The following ADGRV1 variants were observed in gnomAD, a reference collection of about 807,000 sequenced individuals.
ADGRV1 encodes adhesion G protein-coupled receptor V1, also known as G-protein coupled receptor 98.
ADGRV1 carries 359 observed loss-of-function variants against 596.2 expected under a neutral mutation model. The observed-to-expected ratio is 0.60, with a 90% CI of 0.55 to 0.66. The LOEUF (loss-of-function observed/expected upper bound fraction) is 0.66, where lower values mean the gene tolerates loss of function less well. ADGRV1 is among the 30% of genes least tolerant of loss of function. The pLI, the probability that ADGRV1 is intolerant of heterozygous loss-of-function variation, is 0.00. For missense variants in ADGRV1, 7,274 were observed against 7,575.6 expected (o/e 0.96, Z 1.48); for synonymous variants, 2,681 against 2,679.2 (o/e 1.00, Z -0.02).
intron 87 of ADGRV1, among the ~76,000 whole-genome samples, chr5:91,137,369 C>T (rs779552116): frequency 2.8e-4 from 43 of 152,024 alleles, no homozygotes; most frequent in Non-Finnish European, 5.1e-4. Context: ...GAGTGTGGAC[C>T]CACATCATGG....
At chr5:90,880,129 AGTGCTATCAGTAGACATT>A (rs1242691754) in intron 83 of ADGRV1, among the ~76,000 whole-genome samples, 20 of 152,110 alleles carry the variant, frequency 1.3e-4, no homozygotes, top group African/African-American at 4.8e-4. Flanking sequence ...TTCTCACAAT[AGTGCTATCAGTAGACATT>A]GCCATCCTCA....
intron 85 of ADGRV1, among the ~76,000 whole-genome samples, chr5:91,016,639 T>G (rs1026001761): frequency 6.6e-6 from 1 of 151,866 alleles, no homozygotes. Context: ...TGGCAAATGG[T>G]GAAAATCAGA....
At chr5:90,618,361 C>T (rs1297648847) in intron 3 of ADGRV1, among the ~76,000 whole-genome samples, 2 of 152,056 alleles carry the variant, frequency 1.3e-5, no homozygotes, top group South Asian at 2.1e-4. Flanking sequence ...TTCAGAGTAC[C>T]GCTGGGAGAA....
At chr5:90,772,971 C>T (rs1217641505) in intron 59 of ADGRV1, among the ~76,000 whole-genome samples, 4 of 152,034 alleles carry the variant, frequency 2.6e-5, no homozygotes, top group African/African-American at 2.4e-5. Flanking sequence ...AGTTTGAGAC[C>T]AGCCTGGCCA....
intron 25 of ADGRV1, among the ~76,000 whole-genome samples, chr5:90,677,711 T>C (rs963453899): frequency 6.6e-6 from 1 of 152,196 alleles, no homozygotes; most frequent in African/African-American, 2.4e-5. Context: ...GAATATGCAT[T>C]GTTATATATT....
intron 1 of ADGRV1, among the ~76,000 whole-genome samples, chr5:90,584,983 T>G (rs574067887): frequency 1.3e-5 from 2 of 152,330 alleles, no homozygotes; most frequent in African/African-American, 4.8e-5. Flanking sequence ...TGGACTACTT[T>G]GTTGAAGTGT....
At chr5:90,797,400 AG>A (rs1008757592) in intron 70 of ADGRV1, among the ~76,000 whole-genome samples, 23 of 152,116 alleles carry the variant, frequency 1.5e-4, no homozygotes, top group African/African-American at 5.1e-4. Context: ...ATAATGGTAA[AG>A]GGATCAATGC....
At chr5:90,710,539 C>T (rs1749198986) in intron 39 of ADGRV1, among the ~76,000 whole-genome samples, 1 of 152,158 alleles carries the variant, frequency 6.6e-6, no homozygotes, top group South Asian at 2.1e-4. Flanking sequence ...CTCTGTGTCT[C>T]TTTTGCACAC....
At chr5:91,137,123 CCTTTT>C (rs1276597034) in intron 87 of ADGRV1, among the ~76,000 whole-genome samples, 1 of 151,848 alleles carries the variant, frequency 6.6e-6, no homozygotes, top group African/African-American at 2.4e-5. Context: ...TCTTGTTTTC[CCTTTT>C]CTTTTATCCT....
At chr5:90,869,753 C>T (rs543297644) in intron 83 of ADGRV1, among the ~76,000 whole-genome samples, 13 of 152,016 alleles carry the variant, frequency 8.6e-5, no homozygotes, top group Non-Finnish European at 1.6e-4. Flanking sequence ...TTACATATTA[C>T]AGGAGGTAGA....
At chr5:90,654,072 T>A in intron 20 of ADGRV1, 120 bp downstream of exon 20, 2 of 977,584 alleles carry the variant, frequency 2.0e-6, no homozygotes, top group Non-Finnish European at 3.1e-6. Flanking sequence ...TGCATTGGTT[T>A]AATTTCTTTA....
intron 83 of ADGRV1, among the ~76,000 whole-genome samples, chr5:90,928,193 G>C (rs1483501674): frequency 1.3e-5 from 2 of 152,018 alleles, no homozygotes; most frequent in African/African-American, 4.8e-5. Context: ...TGCTAGATTG[G>C]GGAAGTTCTC....
chr5:91,048,524 A>G (rs2151299304), intron 85 of ADGRV1, among the ~76,000 whole-genome samples: 2 of 152,300 alleles, frequency 1.3e-5, no homozygotes, highest in South Asian at 4.1e-4. Flanking sequence ...CCTCAGCTCC[A>G]GGGGACACAC....
intron 21 of ADGRV1, among the ~76,000 whole-genome samples, chr5:90,666,617 G>A (rs1426989053): frequency 7.9e-6 from 1 of 127,388 alleles, no homozygotes; most frequent in Non-Finnish European, 1.6e-5. Flanking sequence ...TACATTTAAA[G>A]TTAGTATTGT....
chr5:91,090,756 C>T (rs886311131), intron 86 of ADGRV1, among the ~76,000 whole-genome samples: 2 of 151,954 alleles, frequency 1.3e-5, no homozygotes, highest in Non-Finnish European at 2.9e-5. Flanking sequence ...TTTACTGTTC[C>T]TACCTTTACC....
At chr5:90,730,902 A>C (rs1752463152) in intron 50 of ADGRV1, among the ~76,000 whole-genome samples, 2 of 152,126 alleles carry the variant, frequency 1.3e-5, no homozygotes. Flanking sequence ...TTAAATTGAG[A>C]TATGGCAATT....
intron 1 of ADGRV1, among the ~76,000 whole-genome samples, chr5:90,603,558 T>C (rs73179753): frequency 1.3e-5 from 2 of 152,022 alleles, no homozygotes; most frequent in Admixed American, 1.3e-4. Context: ...TGCTGTAGCT[T>C]TTCATTTTGC....
intron 61 of ADGRV1, 121 bp downstream of exon 61, chr5:90,776,697 C>T: frequency 1.8e-6 from 2 of 1,092,592 alleles, no homozygotes; most frequent in Non-Finnish European, 2.7e-6. Context: ...ATTCTATATA[C>T]TGTTAACATC....
chr5:91,160,049 C>G (rs1388436362), intron 89 of ADGRV1, among the ~76,000 whole-genome samples: 1 of 152,194 alleles, frequency 6.6e-6, no homozygotes, highest in East Asian at 1.9e-4. Context: ...TCCCCAGCCC[C>G]CTAGCCTCCT....
Sources: gnomAD v4.1 joint callset for allele counts (sites outside exome capture counted in the v4.1 genomes callset) on GRCh38, gnomAD v4.1.1 for gene constraint, MANE v1.5 for transcripts, NCBI Gene and HGNC (gene_info 2026-07-23, HGNC 2026-07-21) for gene names.